The following LRRC4C variants were observed in gnomAD, a reference collection of about 807,000 sequenced individuals.
The protein encoded by LRRC4C is leucine-rich repeat-containing protein 4C.
LRRC4C carries 5 observed loss-of-function variants against 33.6 expected under a neutral mutation model. The observed-to-expected ratio is 0.15, with a 90% CI of 0.08 to 0.31. The LOEUF (loss-of-function observed/expected upper bound fraction) is 0.31. LRRC4C is among the 10% of genes least tolerant of loss of function. The probability of loss-of-function intolerance (pLI) is 1.00; values close to 1 mark genes in which losing one functional copy is unlikely to be tolerated. For synonymous variants in LRRC4C, 329 were observed against 302.0 expected (o/e 1.09, Z -0.93); for missense variants, 560 against 796.7 (o/e 0.70, Z 3.58).
chr11:40,772,561 T>C lies in LRRC4C; in HGVS notation c.-406-124283A>G, dbSNP rs190806809. 1.1e-4 allele frequency among the ~76,000 whole-genome samples: 17 copies of C among 152,260 alleles called. 1 individual carries two copies. The East Asian group carries it at 2.5e-3, about 23-fold the overall frequency. Reference sequence around the variant, plus strand: ...CAAAATATCTAAATATACATTTCTGTAAAGAAGATATATGAATGACAAACT... The same window carrying C: ...CAAAATATCTAAATATACATTTCTGCAAAGAAGATATATGAATGACAAACT... On this transcript the variant is annotated intron_variant, in intron 2 of 6. Transcript: ENST00000528697.
chr11:40,435,908 G>A (rs188241312), intron 3 of LRRC4C, among the ~76,000 whole-genome samples: 3 of 152,178 alleles, frequency 2.0e-5, no homozygotes, highest in Admixed American at 2.0e-4. Flanking sequence ...ATCTTTCTGT[G>A]CTCCTCTGAG....
chr11:40,543,190 A>ATT (rs5791384), intron 3 of LRRC4C, among the ~76,000 whole-genome samples: 2 of 150,108 alleles, frequency 1.3e-5, no homozygotes, highest in Admixed American at 6.7e-5. Flanking sequence ...TTGTCCCATT[A>ATT]TTTTTTTTTT....
At chr11:40,152,337 C>T (rs939246888) in intron 5 of LRRC4C, among the ~76,000 whole-genome samples, 2 of 152,186 alleles carry the variant, frequency 1.3e-5, no homozygotes, top group African/African-American at 4.8e-5. Flanking sequence ...TCCTGCCTGG[C>T]ACCACGGGGA....
rs532604379 is a variant in LRRC4C at position 40,836,862 on chromosome 11, T to C, written c.-407+96773A>G. ...AGTGACCATTATTGTTATTATTACCTCATCCACCATTATCATCTTTATTAT... is the reference window on the plus strand; with the variant it reads ...AGTGACCATTATTGTTATTATTACCCCATCCACCATTATCATCTTTATTAT... On this transcript the variant is annotated intron_variant, in intron 2 of 6. Coordinates refer to ENST00000528697, the MANE Select transcript of LRRC4C (RefSeq NM_001258419.2). Among the ~76,000 whole-genome samples, 3 of 152,302 alleles carry C rather than the reference T, an allele frequency of 2.0e-5. No individual in the cohort carries two copies. The East Asian group carries it at 5.8e-4, about 29-fold the overall frequency.
chr11:41,339,931 G>A (rs896975545), intron 1 of LRRC4C, among the ~76,000 whole-genome samples: 1 of 152,060 alleles, frequency 6.6e-6, no homozygotes, highest in Non-Finnish European at 1.5e-5. Flanking sequence ...TCAAACAAAT[G>A]GGTTTTAACT....
chr11:40,724,734 TAAAC>T (rs942613557), intron 2 of LRRC4C, among the ~76,000 whole-genome samples: 1 of 138,158 alleles, frequency 7.2e-6, no homozygotes, highest in Non-Finnish European at 1.6e-5. Flanking sequence ...AGTAAATAAA[TAAAC>T]AAAATGAGAT....
At chr11:40,551,629 C>T (rs984559824) in intron 3 of LRRC4C, among the ~76,000 whole-genome samples, 12 of 152,188 alleles carry the variant, frequency 7.9e-5, no homozygotes, top group African/African-American at 2.9e-4. Context: ...CACCCCACTC[C>T]TTTTCCATAT....
intron 3 of LRRC4C, among the ~76,000 whole-genome samples, chr11:40,343,515 C>T (rs765056832): frequency 2.6e-5 from 4 of 151,908 alleles, no homozygotes; most frequent in Non-Finnish European, 5.9e-5. Flanking sequence ...TTCCCAACTT[C>T]CACCATCAGA....
At chr11:40,744,178 G>T (rs1221162816) in intron 2 of LRRC4C, among the ~76,000 whole-genome samples, 1 of 152,094 alleles carries the variant, frequency 6.6e-6, no homozygotes, top group African/African-American at 2.4e-5. Context: ...TTCTGATGAT[G>T]GGAGATAGAT....
chr11:40,195,748 A>C (rs1438835783), intron 5 of LRRC4C, among the ~76,000 whole-genome samples: 2 of 152,202 alleles, frequency 1.3e-5, no homozygotes, highest in Non-Finnish European at 2.9e-5. Flanking sequence ...ATTGTCAAAA[A>C]AAAAAAAAGA....
chr11:40,740,846 G>A (rs1012476511), intron 2 of LRRC4C, among the ~76,000 whole-genome samples: 1 of 151,942 alleles, frequency 6.6e-6, no homozygotes. Context: ...CTTTCCACAT[G>A]TGAATAACCA....
intron 3 of LRRC4C, among the ~76,000 whole-genome samples, chr11:40,459,371 T>A (rs1952282531): frequency 1.3e-5 from 2 of 152,184 alleles, no homozygotes; most frequent in African/African-American, 4.8e-5. Context: ...AGAGCAGTGA[T>A]CGTCAGCACT....
chr11:41,181,471 C>G (rs1000479434), intron 1 of LRRC4C, among the ~76,000 whole-genome samples: 1 of 152,112 alleles, frequency 6.6e-6, no homozygotes, highest in African/African-American at 2.4e-5. Flanking sequence ...TCCCTACACT[C>G]AAGAACTAAC....
intron 4 of LRRC4C, among the ~76,000 whole-genome samples, chr11:40,300,251 C>A (rs529802409): frequency 6.6e-6 from 1 of 152,288 alleles, no homozygotes; most frequent in East Asian, 1.9e-4. Context: ...CCTGGCCCCA[C>A]CTCCAACATT....
chr11:40,290,096 G>A (rs1201179864), intron 4 of LRRC4C, among the ~76,000 whole-genome samples: 1 of 152,146 alleles, frequency 6.6e-6, no homozygotes, highest in Non-Finnish European at 1.5e-5. Flanking sequence ...ACCCAACCTA[G>A]TTTCAAGGCT....
chr11:40,889,274 TA>T (rs1374334285), intron 2 of LRRC4C, among the ~76,000 whole-genome samples: 1 of 152,130 alleles, frequency 6.6e-6, no homozygotes, highest in African/African-American at 2.4e-5. Context: ...AAGATGCTCA[TA>T]ATATACTGTT....
chr11:41,289,002 T>C (rs781520145), intron 1 of LRRC4C, among the ~76,000 whole-genome samples: 4 of 152,104 alleles, frequency 2.6e-5, no homozygotes, highest in Non-Finnish European at 5.9e-5. Flanking sequence ...ATCAATTGAC[T>C]AGGGATCATA....
intron 1 of LRRC4C, among the ~76,000 whole-genome samples, chr11:40,948,618 T>C (rs1291377780): frequency 9.5e-5 from 14 of 147,060 alleles, no homozygotes; most frequent in Non-Finnish European, 1.8e-4. Flanking sequence ...ATATGCGGTG[T>C]TTGGTTTTTT....
At chr11:41,375,747 C>T (rs531887818) in intron 1 of LRRC4C, among the ~76,000 whole-genome samples, 2 of 152,126 alleles carry the variant, frequency 1.3e-5, no homozygotes, top group African/African-American at 2.4e-5. Flanking sequence ...GAAATAGAAA[C>T]TCATTTTGCC....
Sources: gnomAD v4.1 joint callset for allele counts (sites outside exome capture counted in the v4.1 genomes callset) on GRCh38, gnomAD v4.1.1 for gene constraint, MANE v1.5 for transcripts, NCBI Gene and HGNC (gene_info 2026-07-23, HGNC 2026-07-21) for gene names.